DGKG: variants seen among roughly 807,000 people sequenced by gnomAD.
DGKG encodes the protein DAG kinase gamma.
DGKG carries 78 observed loss-of-function variants against 105.3 expected under a neutral mutation model. The ratio of observed to expected loss-of-function variants is 0.74; its 90% CI spans 0.62 to 0.89. The LOEUF is 0.89. DGKG is among the 40% of genes least tolerant of loss of function. The probability of loss-of-function intolerance (pLI) is 0.00; values close to 1 mark genes in which losing one functional copy is unlikely to be tolerated. For missense variants in DGKG, 958 were observed against 1,020.1 expected (o/e 0.94, Z 0.83); for synonymous variants, 346 against 367.1 (o/e 0.94, Z 0.66).
intron 22 of DGKG, among the ~76,000 whole-genome samples, chr3:186,187,332 T>A (rs1049358788): frequency 6.6e-6 from 1 of 152,184 alleles, no homozygotes; most frequent in Non-Finnish European, 1.5e-5. Context: ...GGATGTTTTT[T>A]AAAAGTAGCT....
chr3:186,260,192 C>T (rs1348002529), intron 16 of DGKG, among the ~76,000 whole-genome samples: 1 of 152,168 alleles, frequency 6.6e-6, no homozygotes, highest in Non-Finnish European at 1.5e-5. Context: ...TTTTCCCCCT[C>T]TTATAAAATA....
At chr3:186,256,446 T>C (rs1391316750) in intron 17 of DGKG, among the ~76,000 whole-genome samples, 1 of 152,138 alleles carries the variant, frequency 6.6e-6, no homozygotes, top group Non-Finnish European at 1.5e-5. Flanking sequence ...AGCTGGCCAC[T>C]TCTCACCACC....
intron 2 of DGKG, among the ~76,000 whole-genome samples, chr3:186,308,071 C>G (rs372608270): frequency 6.6e-6 from 1 of 152,236 alleles, no homozygotes; most frequent in South Asian, 2.1e-4. Flanking sequence ...CCTCCACCCC[C>G]CGCCATGATT....
intron 5 of DGKG, among the ~76,000 whole-genome samples, chr3:186,290,181 A>T (rs758738771): frequency 3.9e-5 from 6 of 152,236 alleles, no homozygotes; most frequent in Non-Finnish European, 8.8e-5. Context: ...CCTTAGCGGG[A>T]TGCAAGAAGA....
At chr3:186,238,479 A>C (rs1257761151) in intron 20 of DGKG, among the ~76,000 whole-genome samples, 1 of 152,130 alleles carries the variant, frequency 6.6e-6, no homozygotes, top group Non-Finnish European at 1.5e-5. Flanking sequence ...ATACTTGAGC[A>C]CTATTTTTCC....
At chr3:186,324,104 C>CAAAAA (rs561960985) in intron 1 of DGKG, among the ~76,000 whole-genome samples, 2 of 58,346 alleles carry the variant, frequency 3.4e-5, no homozygotes, top group African/African-American at 1.2e-4. Context: ...GAGAGTCTGT[C>CAAAAA]AAAAAAAAAA....
At chr3:186,324,910 T>C (rs1725262624) in intron 1 of DGKG, among the ~76,000 whole-genome samples, 1 of 152,256 alleles carries the variant, frequency 6.6e-6, no homozygotes, top group African/African-American at 2.4e-5. Flanking sequence ...ACAGCACTAT[T>C]CACAGTAGCA....
At chr3:186,207,503 A>T in intron 21 of DGKG, 1 of 985,442 alleles carries the variant, frequency 1.0e-6, no homozygotes, top group Non-Finnish European at 1.2e-6. Context: ...AGATTCCATG[A>T]GGCACTTAGC....
intron 1 of DGKG, among the ~76,000 whole-genome samples, chr3:186,355,231 C>A (rs1485398957): frequency 6.6e-6 from 1 of 152,086 alleles, no homozygotes; most frequent in Non-Finnish European, 1.5e-5. Flanking sequence ...ACTCCCCACA[C>A]AACTACCATC....
chr3:186,289,508 C>G (rs978012741), intron 5 of DGKG, among the ~76,000 whole-genome samples: 8 of 152,136 alleles, frequency 5.3e-5, no homozygotes, highest in Admixed American at 5.2e-4. Flanking sequence ...TAGGAAAACA[C>G]TTTGTCTCTT....
chr3:186,218,265 G>T (rs1719395075), intron 20 of DGKG, among the ~76,000 whole-genome samples: 1 of 152,088 alleles, frequency 6.6e-6, no homozygotes, highest in Admixed American at 6.5e-5. Flanking sequence ...AGCACTTTGG[G>T]AGGCTGAGGC....
Position 186,147,434 on chromosome 3 carries a change from A to G in DGKG, c.*2656T>C. The G allele has an allele frequency of 1.0e-6, 1 of 984,740 alleles. No individual in the cohort carries two copies. The allele number at this position is 984,740 out of a possible 1,614,324, so 61.0% of individuals were successfully genotyped here. ...CTCAGAGGTTGCTATGAGGGTCACT[A>G]TGATGAGGGACTCCACCACAAGAAA... On this transcript the variant is annotated 3_prime_UTR_variant, in exon 25 of 25. Transcript: ENST00000265022.
chr3:186,221,049 A>T (rs1359402140), intron 20 of DGKG, among the ~76,000 whole-genome samples: 1 of 152,234 alleles, frequency 6.6e-6, no homozygotes, highest in Non-Finnish European at 1.5e-5. Flanking sequence ...ACAGGCCGCA[A>T]CAAGAAGGCT....
chr3:186,342,148 C>T lies in DGKG; in HGVS notation c.-249+19798G>A, dbSNP rs1250504526. 2.0e-5 allele frequency among the ~76,000 whole-genome samples: 3 copies of T among 152,138 alleles called. No individual in the cohort carries two copies. In the South Asian group the frequency reaches 6.2e-4, roughly 32 times the overall value. ...AACCTGCACAATGTGCACATGTACC[C>T]TAAAACTTAAAGTATAATAAAAAAA... On this transcript the variant is annotated intron_variant, in intron 1 of 24. Coordinates refer to ENST00000265022, the MANE Select transcript of DGKG (RefSeq NM_001346.3).
intron 11 of DGKG, among the ~76,000 whole-genome samples, chr3:186,269,559 TG>T (rs1257640553): frequency 6.6e-6 from 1 of 152,190 alleles, no homozygotes; most frequent in South Asian, 2.1e-4. Context: ...TAGAAGTACC[TG>T]GGGGAGCTTT....
intron 20 of DGKG, among the ~76,000 whole-genome samples, chr3:186,213,250 T>C (rs1156356893): frequency 6.6e-6 from 1 of 152,206 alleles, no homozygotes; most frequent in Non-Finnish European, 1.5e-5. Context: ...AGCAGACCGG[T>C]GCTTCTCAAC....
At chr3:186,307,241 C>T (rs148798402) in intron 2 of DGKG, among the ~76,000 whole-genome samples, 1 of 152,316 alleles carries the variant, frequency 6.6e-6, no homozygotes, top group African/African-American at 2.4e-5. Flanking sequence ...CTTTCTGTTC[C>T]CCCAGGATAA....
intron 1 of DGKG, among the ~76,000 whole-genome samples, chr3:186,353,406 C>A (rs1726730533): frequency 6.6e-6 from 1 of 151,854 alleles, no homozygotes; most frequent in Admixed American, 6.6e-5. Context: ...GTAATCCCAG[C>A]TACTCGAGAG....
chr3:186,353,477 G>A (rs539200327), intron 1 of DGKG, among the ~76,000 whole-genome samples: 10 of 150,828 alleles, frequency 6.6e-5, no homozygotes, highest in African/African-American at 2.4e-4. Flanking sequence ...CAAGATCACA[G>A]CACTGCACTT....
Sources: gnomAD v4.1 joint callset for allele counts (sites outside exome capture counted in the v4.1 genomes callset) on GRCh38, gnomAD v4.1.1 for gene constraint, MANE v1.5 for transcripts, NCBI Gene and HGNC (gene_info 2026-07-23, HGNC 2026-07-21) for gene names.